Variants in MSRB3 observed in about 807,000 individuals in gnomAD.
The protein encoded by MSRB3 is methionine-R-sulfoxide reductase B3.
Under a neutral mutation model 21.0 loss-of-function variants are expected in MSRB3, and 13 were observed. That is an observed-to-expected ratio of 0.62 (90% CI 0.40 to 0.98). MSRB3 has a LOEUF of 0.98. MSRB3 is among the 50% of genes least tolerant of loss of function. The probability of loss-of-function intolerance (pLI) is 0.00; values close to 1 mark genes in which losing one functional copy is unlikely to be tolerated. For synonymous variants in MSRB3, 87 were observed against 88.6 expected (o/e 0.98, Z 0.10); for missense variants, 199 against 230.3 (o/e 0.86, Z 0.88).
intron 6 of MSRB3, among the ~76,000 whole-genome samples, chr12:65,455,203 G>A (rs1022680546): frequency 1.3e-5 from 2 of 150,608 alleles, no homozygotes; most frequent in Non-Finnish European, 2.9e-5. Context: ...AGGGAGGGAG[G>A]TTAGTTTGAA....
intron 5 of MSRB3, among the ~76,000 whole-genome samples, chr12:65,392,922 A>AT (rs975055166): frequency 1.3e-5 from 2 of 151,898 alleles, no homozygotes; most frequent in African/African-American, 4.8e-5. Context: ...TTTTACCTTT[A>AT]TTTTTTGTAT....
intron 5 of MSRB3, among the ~76,000 whole-genome samples, chr12:65,388,673 C>T (rs1481126424): frequency 6.6e-6 from 1 of 152,008 alleles, no homozygotes; most frequent in Non-Finnish European, 1.5e-5. Context: ...AGTTCAAGAC[C>T]AGCCTGGGCA....
At chr12:65,358,148 T>TA (rs1172482052) in intron 4 of MSRB3, among the ~76,000 whole-genome samples, 1 of 151,888 alleles carries the variant, frequency 6.6e-6, no homozygotes, top group Non-Finnish European at 1.5e-5. Flanking sequence ...GGCAGGGTAT[T>TA]ACTCTGTCAC....
At chr12:65,313,730 A>G (rs1261780473) in intron 2 of MSRB3, among the ~76,000 whole-genome samples, 1 of 152,074 alleles carries the variant, frequency 6.6e-6, no homozygotes, top group African/African-American at 2.4e-5. Context: ...CAGTTTCACC[A>G]TTCTTACCCA....
intron 5 of MSRB3, among the ~76,000 whole-genome samples, chr12:65,398,436 C>T (rs534609781): frequency 4.5e-4 from 69 of 152,156 alleles, no homozygotes; most frequent in South Asian, 1.2e-3. Flanking sequence ...TCATATCCTT[C>T]GCCCACTTTT....
At chr12:65,319,967 G>A (rs181082644) in intron 2 of MSRB3, among the ~76,000 whole-genome samples, 66 of 152,238 alleles carry the variant, frequency 4.3e-4, no homozygotes, top group Non-Finnish European at 4.3e-4. Flanking sequence ...GAACCACACT[G>A]AAGGCCATTT....
chr12:65,463,278 A>G lies in MSRB3; in HGVS notation c.514A>G (p.Ser172Gly), dbSNP rs763482066. ...TAGCAGTGGCACCGCCGAGGGAGGCAGTGGGGTCGCCAGCCCGGCCCAGGC... is the reference window on the plus strand; with the variant it reads ...TAGCAGTGGCACCGCCGAGGGAGGCGGTGGGGTCGCCAGCCCGGCCCAGGC... ...ADSSGTAEGG[S>G]GVASPAQADK... The change falls in exon 7 of 7, where the codon AGT becomes GGT. Residue 172 changes from serine (S) to glycine (G), a missense_variant. By Grantham distance (56) the Ser-to-Gly change is moderately conservative (BLOSUM62 0). Transcript: ENST00000308259. 2.6e-5 allele frequency: 42 copies of G among 1,614,114 alleles called. No individual in the cohort carries two copies. In the South Asian group the frequency reaches 4.5e-4, roughly 17 times the overall value.
At chr12:65,287,857 G>A (rs1475485129) in intron 1 of MSRB3, among the ~76,000 whole-genome samples, 1 of 152,178 alleles carries the variant, frequency 6.6e-6, no homozygotes, top group East Asian at 1.9e-4. Context: ...TTGCAGGGGA[G>A]TCAGTGTAGT....
chr12:65,321,724 C>T (rs545372509), intron 2 of MSRB3, among the ~76,000 whole-genome samples: 33 of 151,828 alleles, frequency 2.2e-4, no homozygotes, highest in Non-Finnish European at 4.3e-4. Context: ...TTGACTTTTC[C>T]AAATGGCCAA....
chr12:65,297,156 G>A (rs1015270679), intron 1 of MSRB3, among the ~76,000 whole-genome samples: 9 of 152,116 alleles, frequency 5.9e-5, no homozygotes, highest in African/African-American at 2.2e-4. Flanking sequence ...ACTTATAAGT[G>A]GGGGCTGAAC....
chr12:65,405,242 A>G (rs1880348630), intron 5 of MSRB3, among the ~76,000 whole-genome samples: 1 of 152,076 alleles, frequency 6.6e-6, no homozygotes, highest in African/African-American at 2.4e-5. Flanking sequence ...ATGAGCCACC[A>G]TACCTGGCTT....
chr12:65,412,629 C>T (rs552633869), intron 5 of MSRB3, among the ~76,000 whole-genome samples: 19 of 152,140 alleles, frequency 1.2e-4, no homozygotes, highest in South Asian at 6.2e-4. Flanking sequence ...ATGGCAAAAA[C>T]GCAATTACTT....
intron 2 of MSRB3, among the ~76,000 whole-genome samples, chr12:65,323,990 G>A (rs1874855514): frequency 6.6e-6 from 1 of 151,896 alleles, no homozygotes. Context: ...ATTTCCTTTT[G>A]GTATTAGATA....
At chr12:65,403,390 G>A (rs550031500) in intron 5 of MSRB3, among the ~76,000 whole-genome samples, 4 of 152,310 alleles carry the variant, frequency 2.6e-5, no homozygotes, top group Admixed American at 2.6e-4. Context: ...ATTTCTGGCG[G>A]CTTTGTTTAC....
At chr12:65,381,673 G>T (rs572389411) in intron 5 of MSRB3, among the ~76,000 whole-genome samples, 2 of 151,978 alleles carry the variant, frequency 1.3e-5, no homozygotes, top group South Asian at 2.1e-4. Context: ...ACTATCCTAA[G>T]AACATTTTAT....
At chr12:65,321,913 C>A (rs1454416458) in intron 2 of MSRB3, among the ~76,000 whole-genome samples, 2 of 152,038 alleles carry the variant, frequency 1.3e-5, no homozygotes, top group Non-Finnish European at 2.9e-5. Context: ...CAAAGCAAAA[C>A]AAGACATTCT....
chr12:65,358,062 G>A (rs907168362), intron 4 of MSRB3, among the ~76,000 whole-genome samples: 5 of 151,650 alleles, frequency 3.3e-5, no homozygotes, highest in African/African-American at 1.2e-4. Flanking sequence ...AAATTATTTG[G>A]AATTCCTCTA....
At chr12:65,316,722 A>G (rs1241024628) in intron 2 of MSRB3, among the ~76,000 whole-genome samples, 1 of 152,174 alleles carries the variant, frequency 6.6e-6, no homozygotes, top group African/African-American at 2.4e-5. Flanking sequence ...ATAGGATGAA[A>G]GGAGTTATAT....
At chr12:65,362,037 G>C (rs1877738125) in intron 4 of MSRB3, among the ~76,000 whole-genome samples, 1 of 152,160 alleles carries the variant, frequency 6.6e-6, no homozygotes, top group African/African-American at 2.4e-5. Flanking sequence ...CTGCTGCTTA[G>C]TTAATATGTT....
Sources: gnomAD v4.1 joint callset for allele counts (sites outside exome capture counted in the v4.1 genomes callset) on GRCh38, gnomAD v4.1.1 for gene constraint, MANE v1.5 for transcripts, NCBI Gene and HGNC (gene_info 2026-07-23, HGNC 2026-07-21) for gene names.